ARPP21: variants seen among roughly 807,000 people sequenced by gnomAD.
ARPP21 encodes the protein cAMP-regulated phosphoprotein 21.
In ARPP21, 69 loss-of-function variants were observed where a neutral mutation model predicts 113.2. That is an observed-to-expected ratio of 0.61 (90% confidence interval 0.50 to 0.74). ARPP21 has a LOEUF of 0.74. Ranked by LOEUF, ARPP21 falls within the 30% of genes least tolerant of loss-of-function variation. The pLI is 0.00. For synonymous variants in ARPP21, 368 were observed against 375.5 expected, an observed-to-expected ratio of 0.98 and a Z score of 0.23; for missense variants, 1,070 against 1,037.4, an observed-to-expected ratio of 1.03 and a Z score of -0.43.
At chr3:35,674,904 C>A (rs765448755) in intron 1 of ARPP21, among the ~76,000 whole-genome samples, 1 of 151,710 alleles carries the variant, frequency 6.6e-6, no homozygotes, top group African/African-American at 2.4e-5. Flanking sequence ...GTCTCTCTTG[C>A]GACATACTGG....
At chr3:35,728,136 A>G (rs1347888366) in intron 14 of ARPP21, among the ~76,000 whole-genome samples, 1 of 141,490 alleles carries the variant, frequency 7.1e-6, no homozygotes, top group Non-Finnish European at 1.5e-5. Flanking sequence ...TACCATAAAC[A>G]CTTAAATATA....
At chr3:35,668,464 A>G (rs1445503699) in intron 1 of ARPP21, among the ~76,000 whole-genome samples, 1 of 152,094 alleles carries the variant, frequency 6.6e-6, no homozygotes, top group African/African-American at 2.4e-5. Flanking sequence ...TGGAATTGGC[A>G]TCTGGGAGTA....
chr3:35,778,263 A>G (rs1189740723), intron 19 of ARPP21, among the ~76,000 whole-genome samples: 1 of 152,160 alleles, frequency 6.6e-6, no homozygotes, highest in Non-Finnish European at 1.5e-5. Context: ...TCCTCCCAAC[A>G]CATAGCCATT....
intron 14 of ARPP21, among the ~76,000 whole-genome samples, chr3:35,723,092 A>T (rs1457741664): frequency 6.6e-6 from 1 of 152,134 alleles, no homozygotes; most frequent in Non-Finnish European, 1.5e-5. Context: ...TGGGTGGAGC[A>T]TTCAGGCTCC....
chr3:35,724,733 G>A (rs141364877), intron 14 of ARPP21, among the ~76,000 whole-genome samples: 1 of 152,242 alleles, frequency 6.6e-6, no homozygotes, highest in East Asian at 1.9e-4. Context: ...CTACATCCTG[G>A]AGTGTTTTTT....
At chr3:35,647,190 T>A (rs1441267251) in intron 1 of ARPP21, among the ~76,000 whole-genome samples, 1 of 152,186 alleles carries the variant, frequency 6.6e-6, no homozygotes, top group East Asian at 1.9e-4. Flanking sequence ...TTTAGTGTTT[T>A]GTCATCATCG....
At chr3:35,786,808 C>T (rs1360518925) in intron 19 of ARPP21, among the ~76,000 whole-genome samples, 1 of 152,062 alleles carries the variant, frequency 6.6e-6, no homozygotes, top group Non-Finnish European at 1.5e-5. Flanking sequence ...ACTGTGGAGG[C>T]TGTCTTCTGC....
intron 11 of ARPP21, 32 bp downstream of exon 11, chr3:35,709,102 C>A (rs751011537): frequency 1.3e-4 from 185 of 1,462,066 alleles, no homozygotes; most frequent in Non-Finnish European, 1.3e-4. Context: ...CTCTTTAGTG[C>A]GCTCCTTCCA....
intron 19 of ARPP21, among the ~76,000 whole-genome samples, chr3:35,787,805 A>G (rs1035673310): frequency 6.6e-6 from 1 of 152,236 alleles, no homozygotes; most frequent in African/African-American, 2.4e-5. Context: ...TATGAGAACT[A>G]GAAGAATGTA....
At chr3:35,673,580 C>A (rs1216795281) in intron 1 of ARPP21, among the ~76,000 whole-genome samples, 2 of 151,932 alleles carry the variant, frequency 1.3e-5, no homozygotes, top group Non-Finnish European at 2.9e-5. Context: ...GATGTCATAG[C>A]AATGGAAACA....
chr3:35,671,425 C>T (rs1024187738), intron 1 of ARPP21, among the ~76,000 whole-genome samples: 1 of 152,134 alleles, frequency 6.6e-6, no homozygotes, highest in African/African-American at 2.4e-5. Flanking sequence ...TGAACACTTA[C>T]ATTTTTTTCT....
At chr3:35,700,107 C>A (rs2085733113) in intron 9 of ARPP21, among the ~76,000 whole-genome samples, 1 of 151,778 alleles carries the variant, frequency 6.6e-6, no homozygotes, top group South Asian at 2.1e-4. Context: ...CAGCACTGGG[C>A]TTAGTAGCTT....
Position 35,707,019 on chromosome 3 carries a change from A to G in ARPP21, c.732A>G (p.Glu244=). The change falls in exon 10 of 21, where the codon GAA becomes GAG. Residue 244 remains glutamate, a synonymous_variant. Transcript: ENST00000684406. ...FCEHLKDEKG[E]ESQKRFILKR... is the part of the protein sequence containing the mutation. ...AACATTTAAAAGATGAAAAAGGTGA[A>G]GAATCCCAGAAGCGGTTTATCTTGA... 2 of 1,614,104 alleles carry G rather than the reference A, an allele frequency of 1.2e-6. No homozygotes were observed. Among genetic ancestry groups the G allele is most frequent in the East Asian group, 2.2e-5 (1 of 44,886 alleles).
intron 17 of ARPP21, among the ~76,000 whole-genome samples, chr3:35,738,678 C>A (rs538496506): frequency 6.6e-6 from 1 of 152,316 alleles, no homozygotes; most frequent in African/African-American, 2.4e-5. Flanking sequence ...GAACCATTAT[C>A]ACCCTATGCT....
intron 12 of ARPP21, among the ~76,000 whole-genome samples, chr3:35,717,053 T>A (rs938815358): frequency 1.3e-5 from 2 of 152,074 alleles, no homozygotes; most frequent in Non-Finnish European, 1.5e-5. Flanking sequence ...TCTTTTCTCC[T>A]CTTCTATTCC....
chr3:35,671,343 T>A (rs1039982413), intron 1 of ARPP21, among the ~76,000 whole-genome samples: 3 of 152,174 alleles, frequency 2.0e-5, no homozygotes, highest in African/African-American at 7.2e-5. Context: ...TAAATGCCAA[T>A]GTCAAATGAA....
At chr3:35,699,742 C>A (rs1296865464) in intron 9 of ARPP21, among the ~76,000 whole-genome samples, 1 of 151,686 alleles carries the variant, frequency 6.6e-6, no homozygotes, top group Non-Finnish European at 1.5e-5. Flanking sequence ...TAAGTCTGTA[C>A]CTTCACTGGG....
At chr3:35,725,687 C>T (rs2093475424) in intron 14 of ARPP21, among the ~76,000 whole-genome samples, 1 of 152,178 alleles carries the variant, frequency 6.6e-6, no homozygotes. Context: ...GACTTGTGAT[C>T]TCTTTTTCTA....
At chr3:35,663,634 A>T (rs572585037) in intron 1 of ARPP21, among the ~76,000 whole-genome samples, 7 of 152,084 alleles carry the variant, frequency 4.6e-5, no homozygotes, top group Non-Finnish European at 1.0e-4. Flanking sequence ...GCGGGGTGAG[A>T]TTTCACAATG....
Sources: allele counts gnomAD v4.1 joint callset (sites outside exome capture counted in the v4.1 genomes callset), GRCh38; gene constraint gnomAD v4.1.1; transcripts MANE v1.5; gene names NCBI Gene and HGNC (gene_info 2026-07-23, HGNC 2026-07-21).